Variants in SLC16A7 observed in about 807,000 individuals in gnomAD.
SLC16A7 encodes the protein monocarboxylate transporter 2.
Under a neutral mutation model 34.9 loss-of-function variants are expected in SLC16A7, and 33 were observed. The ratio of observed to expected loss-of-function variants is 0.94; its 90% CI spans 0.72 to 1.26. The LOEUF (loss-of-function observed/expected upper bound fraction) is 1.26, where lower values mean the gene tolerates loss of function less well. SLC16A7 is among the 50% of genes most tolerant of loss of function. SLC16A7 has a pLI of 0.00. For missense variants in SLC16A7, 573 were observed against 578.1 expected, an observed-to-expected ratio of 0.99 and a Z score of 0.09; for synonymous variants, 201 against 206.6, an observed-to-expected ratio of 0.97 and a Z score of 0.23.
chr12:59,650,043 T>C (rs1868315155), intron 1 of SLC16A7, among the ~76,000 whole-genome samples: 1 of 152,180 alleles, frequency 6.6e-6, no homozygotes, highest in Non-Finnish European at 1.5e-5. Flanking sequence ...TGCATTGTAT[T>C]AATTTAATAT....
intron 1 of SLC16A7, among the ~76,000 whole-genome samples, chr12:59,622,378 C>G (rs1268099591): frequency 6.6e-6 from 1 of 151,866 alleles, no homozygotes; most frequent in African/African-American, 2.4e-5. Flanking sequence ...CTTCAATTAT[C>G]TTTTATTTCA....
chr12:59,702,973 AT>A (rs2137133320), intron 2 of SLC16A7, among the ~76,000 whole-genome samples: 1 of 152,198 alleles, frequency 6.6e-6, no homozygotes, highest in South Asian at 2.1e-4. Context: ...AATAGAAAAA[AT>A]ACCTTAAAAG....
chr12:59,704,200 A>G (rs1350070292), intron 2 of SLC16A7, among the ~76,000 whole-genome samples: 5 of 89,636 alleles, frequency 5.6e-5, no homozygotes, highest in African/African-American at 2.8e-4. Flanking sequence ...ACTCTGTCTC[A>G]AAAAAAAAAA....
At chr12:59,646,767 T>TA (rs1268368976) in intron 1 of SLC16A7, among the ~76,000 whole-genome samples, 1 of 152,168 alleles carries the variant, frequency 6.6e-6, no homozygotes, top group Non-Finnish European at 1.5e-5. Context: ...AGGGGGGCTG[T>TA]ACCATGCAAA....
chr12:59,662,525 CT>C (rs1173717401), intron 2 of SLC16A7, among the ~76,000 whole-genome samples: 2 of 152,068 alleles, frequency 1.3e-5, no homozygotes, highest in Non-Finnish European at 2.9e-5. Flanking sequence ...CTTGGCAAAA[CT>C]TAGTCACCTT....
At position 59,682,798 on chromosome 12, in the gene SLC16A7, C is replaced by T. The variant is rs1870843917; in HGVS notation, c.-30-21974C>T. On this transcript the variant is annotated intron_variant, in intron 2 of 5. Transcript: ENST00000547379. ...AAGTAAAACAAATTGCGGCCAGTCA[C>T]AGTAGCTCACGCCTGTAATCCCACA... Among the ~76,000 whole-genome samples the T allele has an allele frequency of 2.0e-5, 3 of 152,134 alleles. No homozygotes were observed. The South Asian group carries it at 6.2e-4, about 32-fold the overall frequency.
intron 2 of SLC16A7, among the ~76,000 whole-genome samples, chr12:59,676,995 C>G (rs1430550745): frequency 6.6e-6 from 1 of 152,132 alleles, no homozygotes; most frequent in Non-Finnish European, 1.5e-5. Flanking sequence ...CATCTGCACC[C>G]TGTTCCATAC....
Position 59,774,668 on chromosome 12 carries a change from G to A in SLC16A7, c.373G>A (p.Ala125Thr). 6.3e-7 allele frequency: 1 copy of A among 1,585,986 alleles called. No homozygotes were observed. Among genetic ancestry groups the A allele is most frequent in the Non-Finnish European group, 8.6e-7 (1 of 1,168,088 alleles). The change falls in exon 5 of 6, where the codon GCC becomes ACC. Residue 125 changes from alanine (A) to threonine (T), a missense_variant. Physicochemically the swap from Ala to Thr is moderately conservative, Grantham distance 58. Coordinates refer to ENST00000547379, the MANE Select transcript of SLC16A7 (RefSeq NM_001270623.2). ...TTTGTTCTTTTTAGGTTTAGGTTTA[G>A]CCTTCAACCTGCAACCCGCCTTAAC... Reference protein sequence around the residue: ...TMGFITGLGLAFNLQPALTII... With the variant: ...TMGFITGLGLTFNLQPALTII...
intron 2 of SLC16A7, among the ~76,000 whole-genome samples, chr12:59,671,927 AT>A (rs1565640883): frequency 1.3e-4 from 7 of 53,752 alleles, no homozygotes; most frequent in African/African-American, 6.1e-4. Flanking sequence ...ATATGTATAT[AT>A]CCATATATGT....
At chr12:59,689,037 ATG>A (rs1469123017) in intron 2 of SLC16A7, among the ~76,000 whole-genome samples, 2 of 151,996 alleles carry the variant, frequency 1.3e-5, no homozygotes, top group South Asian at 2.1e-4. Flanking sequence ...TTTTTTTGAC[ATG>A]TGTCTTTTAT....
At chr12:59,616,695 C>G (rs1879467593) in intron 1 of SLC16A7, among the ~76,000 whole-genome samples, 1 of 151,950 alleles carries the variant, frequency 6.6e-6, no homozygotes, top group African/African-American at 2.4e-5. Flanking sequence ...CACAAGAGAA[C>G]TGGGTAACTT....
intron 2 of SLC16A7, among the ~76,000 whole-genome samples, chr12:59,702,966 A>C (rs2137133295): frequency 6.6e-6 from 1 of 152,244 alleles, no homozygotes; most frequent in East Asian, 1.9e-4. Context: ...TTTAAAAAAT[A>C]GAAAAAATAC....
intron 2 of SLC16A7, among the ~76,000 whole-genome samples, chr12:59,660,284 C>T (rs17122795): frequency 0.069 from 10,475 of 151,950 alleles, 423 homozygotes; most frequent in Middle Eastern, 0.12. Context: ...AAGAGGTCCA[C>T]GTCTTCCATC....
chr12:59,739,173 C>T (rs1432985510), intron 3 of SLC16A7, among the ~76,000 whole-genome samples: 1 of 144,768 alleles, frequency 6.9e-6, no homozygotes, highest in Non-Finnish European at 1.5e-5. Context: ...AGGTATATCT[C>T]CTAAAGCTAT....
chr12:59,641,583 G>C (rs957419609), intron 1 of SLC16A7, among the ~76,000 whole-genome samples: 2 of 151,836 alleles, frequency 1.3e-5, no homozygotes, highest in Non-Finnish European at 2.9e-5. Context: ...TATCAGCATA[G>C]GAAACAAAAT....
chr12:59,676,522 A>T (rs1359032747), intron 2 of SLC16A7, among the ~76,000 whole-genome samples: 3 of 152,088 alleles, frequency 2.0e-5, no homozygotes, highest in African/African-American at 7.2e-5. Context: ...TCATTCAAGC[A>T]TACCAAATGG....
chr12:59,683,619 C>T (rs1307421147), intron 2 of SLC16A7, among the ~76,000 whole-genome samples: 1 of 151,868 alleles, frequency 6.6e-6, no homozygotes, highest in Non-Finnish European at 1.5e-5. Context: ...AGTGGGGTGC[C>T]CATTTGAAAA....
chr12:59,723,615 A>T (rs773158226), intron 3 of SLC16A7, among the ~76,000 whole-genome samples: 1 of 152,020 alleles, frequency 6.6e-6, no homozygotes, highest in African/African-American at 2.4e-5. Context: ...AAGAAACAGC[A>T]TTTTAGTATA....
intron 1 of SLC16A7, among the ~76,000 whole-genome samples, chr12:59,613,565 G>A (rs1220850019): frequency 6.6e-6 from 1 of 152,172 alleles, no homozygotes; most frequent in African/African-American, 2.4e-5. Context: ...CAGTTGACAA[G>A]AGAATCTGAT....
Sources: gnomAD v4.1 joint callset for allele counts (sites outside exome capture counted in the v4.1 genomes callset) on GRCh38, gnomAD v4.1.1 for gene constraint, MANE v1.5 for transcripts, NCBI Gene and HGNC (gene_info 2026-07-23, HGNC 2026-07-21) for gene names.